ARMC3: variants seen among roughly 807,000 people sequenced by gnomAD.
The protein encoded by ARMC3 is armadillo repeat-containing protein 3.
In ARMC3, 74 loss-of-function variants were observed where a neutral mutation model predicts 90.3. The observed-to-expected ratio is 0.82, with a 90% CI of 0.68 to 0.99. The LOEUF (loss-of-function observed/expected upper bound fraction) is 0.99. ARMC3 is among the 50% of genes least tolerant of loss of function. The probability of loss-of-function intolerance (pLI) is 0.00; values close to 1 mark genes in which losing one functional copy is unlikely to be tolerated. For synonymous variants in ARMC3, 334 were observed against 361.8 expected (o/e 0.92, Z 0.87); for missense variants, 958 against 1,042.8 (o/e 0.92, Z 1.12).
Position 22,932,026 on chromosome 10 carries a change from G to C in ARMC3, c.30G>C (p.Glu10Asp). The change falls in exon 2 of 19, where the codon GAG becomes GAC. Residue 10 changes from glutamate (E) to aspartate (D), a missense_variant. Coordinates refer to ENST00000298032, the MANE Select transcript of ARMC3 (RefSeq NM_173081.5). ...GTAAAAAGATAAAGAAGGAAGTAGA[G>C]CCTCCTCCTAAGGATGTGGTAAGTT... Reference protein sequence around the residue: MGKKIKKEVEPPPKDVFDPL... With the variant: MGKKIKKEVDPPPKDVFDPL... 21 of 1,603,958 alleles carry C rather than the reference G, an allele frequency of 1.3e-5. No individual in the cohort carries two copies. Among genetic ancestry groups the C allele is most frequent in the Non-Finnish European group, 1.8e-5 (21 of 1,176,972 alleles).
At chr10:22,997,287 G>A (rs981903636) in intron 10 of ARMC3, 1 of 152,206 alleles carries the variant, frequency 6.6e-6, no homozygotes, top group Non-Finnish European at 1.5e-5. Context: ...CTTCATCTTG[G>A]AAGCTAAGCA....
At chr10:23,005,055 T>C (rs1388434021) in intron 13 of ARMC3, among the ~76,000 whole-genome samples, 1 of 151,004 alleles carries the variant, frequency 6.6e-6, no homozygotes, top group Non-Finnish European at 1.5e-5. Flanking sequence ...CTACTAAATA[T>C]ACAAAAAATT....
chr10:22,939,387 G>A (rs114731361), intron 2 of ARMC3, among the ~76,000 whole-genome samples: 61 of 152,244 alleles, frequency 4.0e-4, no homozygotes, highest in African/African-American at 1.1e-3. Context: ...TCAGGGTGCC[G>A]TTAAGTCAAA....
intron 1 of ARMC3, among the ~76,000 whole-genome samples, chr10:22,931,100 T>C (rs563186080): frequency 9.9e-5 from 15 of 152,252 alleles, no homozygotes; most frequent in African/African-American, 3.4e-4. Flanking sequence ...GGCTAATTTT[T>C]GTATTTTTAG....
Position 22,931,973 on chromosome 10 carries a change from C to T in ARMC3, c.-1-23C>T, listed in dbSNP as rs7918553. 1.9e-6 allele frequency: 3 copies of T among 1,589,366 alleles called. No individual in the cohort carries two copies. In the African/African-American group the frequency reaches 4.1e-5, roughly 22 times the overall value. ...AATGTATGTGCAAATGTCACTTTAA[C>T]CATATATTGCATCTTTTTCCAGGAT... On this transcript the variant is annotated intron_variant, in intron 1 of 18. Transcript: ENST00000298032.
Position 23,032,932 on chromosome 10 carries a change from T to A in ARMC3, c.2318T>A (p.Ile773Lys), listed in dbSNP as rs1838973261. 1 of 1,613,064 alleles carries A rather than the reference T, an allele frequency of 6.2e-7. No individual in the cohort carries two copies. The change falls in exon 18 of 19, where the codon ATA (isoleucine) becomes AAA (lysine). Residue 773 changes from isoleucine (I) to lysine (K), a missense_variant. Coordinates refer to ENST00000298032, the MANE Select transcript of ARMC3 (RefSeq NM_173081.5). ...KLPDFSWELH[I>K]SELKFQLKSN... is the part of the protein sequence containing the mutation. ...CCTGATTTCAGCTGGGAACTTCACATAAGTGAACTGAAATTTCAACTTAAA... is the reference window on the plus strand; with the variant it reads ...CCTGATTTCAGCTGGGAACTTCACAAAAGTGAACTGAAATTTCAACTTAAA...
intron 10 of ARMC3, chr10:22,997,162 A>G (rs940402477): frequency 6.6e-6 from 1 of 152,208 alleles, no homozygotes; most frequent in African/African-American, 2.4e-5. Context: ...ATTGAAGAAC[A>G]TAACTAAAGT....
intron 13 of ARMC3, among the ~76,000 whole-genome samples, chr10:23,005,211 C>CAAAAAA (rs35706584): frequency 1.1e-4 from 7 of 60,910 alleles, no homozygotes; most frequent in Admixed American, 2.0e-4. Context: ...AGACTCGTCT[C>CAAAAAA]AAAAAAAAAA....
chr10:23,009,931 A>C (rs997183434), intron 16 of ARMC3, among the ~76,000 whole-genome samples: 1 of 152,196 alleles, frequency 6.6e-6, no homozygotes, highest in Non-Finnish European at 1.5e-5. Context: ...GGGAACAGAT[A>C]CCAGACCCCT....
intron 3 of ARMC3, among the ~76,000 whole-genome samples, chr10:22,950,911 T>C (rs1222818610): frequency 2.0e-5 from 3 of 150,950 alleles, no homozygotes; most frequent in Non-Finnish European, 4.4e-5. Context: ...GATAAAGGGA[T>C]CAGTTAATCA....
chr10:23,021,312 TC>T (rs1308397056), intron 16 of ARMC3, among the ~76,000 whole-genome samples: 3 of 152,218 alleles, frequency 2.0e-5, no homozygotes, highest in African/African-American at 7.2e-5. Flanking sequence ...TGATTTATTT[TC>T]CTTTGGGTGT....
chr10:22,966,674 A>G (rs7083653), intron 7 of ARMC3, among the ~76,000 whole-genome samples: 1 of 152,092 alleles, frequency 6.6e-6, no homozygotes, highest in Admixed American at 6.5e-5. Flanking sequence ...AGAGGTTTAA[A>G]TGACTCACAG....
intron 17 of ARMC3, among the ~76,000 whole-genome samples, chr10:23,031,945 G>A (rs879030452): frequency 6.6e-6 from 1 of 151,850 alleles, no homozygotes; most frequent in African/African-American, 2.4e-5. Flanking sequence ...GCAGCAAGAG[G>A]AATTTCTTTA....
At chr10:23,022,894 C>G (rs1222909337) in intron 16 of ARMC3, among the ~76,000 whole-genome samples, 1 of 152,038 alleles carries the variant, frequency 6.6e-6, no homozygotes, top group African/African-American at 2.4e-5. Flanking sequence ...TCCCAATAAG[C>G]CTGAGTCTCC....
intron 1 of ARMC3, among the ~76,000 whole-genome samples, chr10:22,930,489 C>T (rs1334217294): frequency 2.0e-5 from 3 of 152,124 alleles, no homozygotes; most frequent in Non-Finnish European, 2.9e-5. Flanking sequence ...GATGCAGGCA[C>T]ATTTTAACAT....
intron 12 of ARMC3, 132 bp downstream of exon 12, chr10:23,002,187 C>T: frequency 3.0e-6 from 4 of 1,325,448 alleles, no homozygotes; most frequent in South Asian, 1.7e-5. Context: ...TGCATGTCCC[C>T]AGGGCGGGCC....
intron 17 of ARMC3, among the ~76,000 whole-genome samples, chr10:23,032,408 T>G (rs558046034): frequency 6.6e-6 from 1 of 152,294 alleles, no homozygotes; most frequent in African/African-American, 2.4e-5. Context: ...TTCTTAAATC[T>G]AATGGGAAAA....
intron 8 of ARMC3, among the ~76,000 whole-genome samples, chr10:22,975,408 C>CA (rs1044821086): frequency 2.0e-5 from 3 of 151,922 alleles, no homozygotes; most frequent in African/African-American, 4.8e-5. Flanking sequence ...ACTAAAAATA[C>CA]AAAAAAATTA....
chr10:22,980,818 T>G (rs2131334709), intron 8 of ARMC3, among the ~76,000 whole-genome samples: 1 of 152,348 alleles, frequency 6.6e-6, no homozygotes, highest in East Asian at 1.9e-4. Context: ...TATTTTGATA[T>G]AAGACTATAA....
Sources: gnomAD v4.1 joint callset for allele counts (sites outside exome capture counted in the v4.1 genomes callset) on GRCh38, gnomAD v4.1.1 for gene constraint, MANE v1.5 for transcripts, NCBI Gene and HGNC (gene_info 2026-07-23, HGNC 2026-07-21) for gene names.